NAALADL2: variants seen among roughly 807,000 people sequenced by gnomAD.
The protein encoded by NAALADL2 is N-acetylated alpha-linked acidic dipeptidase like 2.
In NAALADL2, 76 loss-of-function variants were observed where a neutral mutation model predicts 87.2. The observed-to-expected ratio is 0.87, with a 90% CI of 0.72 to 1.05. The LOEUF (loss-of-function observed/expected upper bound fraction) is 1.05, where lower values mean the gene tolerates loss of function less well. Ranked by LOEUF, NAALADL2 falls within the 50% of genes least tolerant of loss-of-function variation. The probability of loss-of-function intolerance (pLI) is 0.00; values close to 1 mark genes in which losing one functional copy is unlikely to be tolerated. For synonymous variants in NAALADL2, 354 were observed against 331.0 expected (o/e 1.07, Z -0.75); for missense variants, 1,089 against 945.8 (o/e 1.15, Z -1.99).
intron 1 of NAALADL2, among the ~76,000 whole-genome samples, chr3:175,066,497 CT>C (rs1559981456): frequency 6.6e-6 from 1 of 152,050 alleles, no homozygotes; most frequent in Admixed American, 6.6e-5. Flanking sequence ...TCAGTACCTG[CT>C]TTTTCAGCAG....
intron 2 of NAALADL2, among the ~76,000 whole-genome samples, chr3:174,696,524 C>T (rs1334309535): frequency 1.3e-5 from 2 of 148,648 alleles, no homozygotes; most frequent in Non-Finnish European, 3.0e-5. Context: ...TTATTAATTA[C>T]CTTACCTTTT....
intron 1 of NAALADL2, among the ~76,000 whole-genome samples, chr3:174,994,007 A>G (rs1479275675): frequency 1.3e-5 from 2 of 152,112 alleles, no homozygotes; most frequent in Non-Finnish European, 2.9e-5. Flanking sequence ...ATCATTTTAG[A>G]TCAAGGGCCC....
chr3:174,683,536 A>T (rs1727750356), intron 2 of NAALADL2, among the ~76,000 whole-genome samples: 2 of 152,082 alleles, frequency 1.3e-5, no homozygotes, highest in African/African-American at 4.8e-5. Context: ...ATACTATAAA[A>T]ACTTCAGTTC....
intron 5 of NAALADL2, among the ~76,000 whole-genome samples, chr3:175,425,971 T>G (rs1716710167): frequency 6.6e-6 from 1 of 152,190 alleles, no homozygotes; most frequent in Non-Finnish European, 1.5e-5. Context: ...CAACCTCAGA[T>G]TTTTATTTTG....
intron 5 of NAALADL2, among the ~76,000 whole-genome samples, chr3:175,434,773 C>T (rs748572738): frequency 2.0e-5 from 3 of 151,958 alleles, no homozygotes; most frequent in Non-Finnish European, 2.9e-5. Flanking sequence ...GAAAGCTTCT[C>T]AGGGGAATGC....
At chr3:174,978,307 T>C (rs892096101) in intron 1 of NAALADL2, among the ~76,000 whole-genome samples, 5 of 152,240 alleles carry the variant, frequency 3.3e-5, no homozygotes, top group African/African-American at 9.6e-5. Flanking sequence ...AGTTATTTAG[T>C]TGGTTTTAAT....
At chr3:174,592,915 TGA>T (rs1717526858) in intron 2 of NAALADL2, among the ~76,000 whole-genome samples, 1 of 151,852 alleles carries the variant, frequency 6.6e-6, no homozygotes, top group East Asian at 1.9e-4. Flanking sequence ...TGTGTGTGTG[TGA>T]GAGAGAGGGA....
At chr3:174,545,473 G>A (rs1169720383) in intron 1 of NAALADL2, among the ~76,000 whole-genome samples, 3 of 152,142 alleles carry the variant, frequency 2.0e-5, no homozygotes, top group Non-Finnish European at 4.4e-5. Flanking sequence ...CTGTGTGATT[G>A]ATCGTTTGAT....
intron 1 of NAALADL2, among the ~76,000 whole-genome samples, chr3:175,016,660 C>A (rs1433926709): frequency 6.6e-6 from 1 of 151,758 alleles, no homozygotes; most frequent in Non-Finnish European, 1.5e-5. Context: ...TTAAGCCATG[C>A]ATTTTTAATA....
chr3:174,541,209 A>G (rs1421639753), intron 1 of NAALADL2, among the ~76,000 whole-genome samples: 2 of 152,238 alleles, frequency 1.3e-5, no homozygotes, highest in Non-Finnish European at 2.9e-5. Context: ...AATACCTATT[A>G]TGCCACACTT....
chr3:175,436,914 A>C (rs2149183960), intron 5 of NAALADL2, among the ~76,000 whole-genome samples: 1 of 95,602 alleles, frequency 1.0e-5, no homozygotes, highest in Non-Finnish European at 2.1e-5. Flanking sequence ...TTTGGACATG[A>C]AGTCCTTGCC....
chr3:174,453,246 A>G lies in NAALADL2; in HGVS notation c.-184+12214A>G, dbSNP rs372564982. ...AATAAGAATAGATTAAAAAGAATGA[A>G]AAAGAACAAAAAAACCCTCTGAGAA... On this transcript the variant is annotated intron_variant, in intron 1 of 3. Coordinates refer to the NAALADL2 transcript ENST00000434257. Among the ~76,000 whole-genome samples, 9 of 152,286 alleles carry G rather than the reference A, an allele frequency of 5.9e-5. No individual in the cohort carries two copies. The East Asian group carries it at 1.5e-3, about 26-fold the overall frequency.
At chr3:174,515,627 T>C (rs1719895315) in intron 1 of NAALADL2, among the ~76,000 whole-genome samples, 1 of 151,098 alleles carries the variant, frequency 6.6e-6, no homozygotes, top group African/African-American at 2.4e-5. Context: ...ATAGAACAAA[T>C]ATTTGGTTGA....
At chr3:175,665,006 G>A (rs1473934576) in intron 11 of NAALADL2, among the ~76,000 whole-genome samples, 1 of 152,128 alleles carries the variant, frequency 6.6e-6, no homozygotes, top group African/African-American at 2.4e-5. Context: ...TGACAAGTGT[G>A]TATATGAACA....
intron 5 of NAALADL2, among the ~76,000 whole-genome samples, chr3:175,389,051 T>C (rs1768766606): frequency 6.6e-6 from 1 of 152,094 alleles, no homozygotes; most frequent in African/African-American, 2.4e-5. Flanking sequence ...ATAAACACAC[T>C]CAATAAAATG....
intron 3 of NAALADL2, among the ~76,000 whole-genome samples, chr3:174,784,493 A>G (rs1716365154): frequency 6.6e-6 from 1 of 152,178 alleles, no homozygotes; most frequent in Non-Finnish European, 1.5e-5. Flanking sequence ...CTCAGTAGCT[A>G]GCACAGTGCT....
intron 1 of NAALADL2, among the ~76,000 whole-genome samples, chr3:175,079,095 T>A (rs1717223476): frequency 6.6e-6 from 1 of 152,242 alleles, no homozygotes; most frequent in South Asian, 2.1e-4. Flanking sequence ...CCAACACTTA[T>A]CATCTGTCTT....
At chr3:174,493,504 T>G (rs1339974956) in intron 1 of NAALADL2, among the ~76,000 whole-genome samples, 1 of 152,218 alleles carries the variant, frequency 6.6e-6, no homozygotes, top group Non-Finnish European at 1.5e-5. Context: ...GATAATAGAC[T>G]TCTAAATTCC....
chr3:175,329,058 C>T (rs1761096234), intron 5 of NAALADL2, among the ~76,000 whole-genome samples: 1 of 152,084 alleles, frequency 6.6e-6, no homozygotes, highest in Non-Finnish European at 1.5e-5. Flanking sequence ...GTGTTGACTA[C>T]AGTGTTGATT....
Sources: allele counts gnomAD v4.1 joint callset (sites outside exome capture counted in the v4.1 genomes callset), GRCh38; gene constraint gnomAD v4.1.1; transcripts MANE v1.5; gene names NCBI Gene and HGNC (gene_info 2026-07-23, HGNC 2026-07-21).